The following NIM1K variants were observed in gnomAD, a reference collection of about 807,000 sequenced individuals.
The protein encoded by NIM1K is NIM1 serine/threonine protein kinase.
In NIM1K, 35 loss-of-function variants were observed where a neutral mutation model predicts 37.1. The ratio of observed to expected loss-of-function variants is 0.94; its 90% confidence interval spans 0.72 to 1.25. The LOEUF (loss-of-function observed/expected upper bound fraction) is 1.25, where lower values mean the gene tolerates loss of function less well. NIM1K is among the 50% of genes most tolerant of loss of function. NIM1K has a pLI of 0.00. For missense variants in NIM1K, 564 were observed against 548.0 expected (o/e 1.03, Z -0.29); for synonymous variants, 234 against 206.6 (o/e 1.13, Z -1.14).
Position 43,204,397 on chromosome 5 carries a change from G to C in NIM1K, c.-695+11986G>C, listed in dbSNP as rs1015699360. Among the ~76,000 whole-genome samples, 8 of 150,844 alleles carry C rather than the reference G, an allele frequency of 5.3e-5. 1 individual carries two copies. In the East Asian group the frequency reaches 1.6e-3, roughly 31 times the overall value. ...CCACACCCAGCCTGATAGTTCCAATGGTTAATTCAAAAACAAGGCACAGTC... is the reference window on the plus strand; with the variant it reads ...CCACACCCAGCCTGATAGTTCCAATCGTTAATTCAAAAACAAGGCACAGTC... On this transcript the variant is annotated intron_variant, in intron 1 of 3. Transcript: ENST00000326035.
intron 2 of NIM1K, among the ~76,000 whole-genome samples, chr5:43,276,197 T>C (rs1753337530): frequency 6.6e-6 from 1 of 152,162 alleles, no homozygotes; most frequent in Non-Finnish European, 1.5e-5. Context: ...CCAGCCAAAA[T>C]TGAGTAATTT....
chr5:43,230,076 A>G (rs1579968391), intron 1 of NIM1K, among the ~76,000 whole-genome samples: 1 of 152,190 alleles, frequency 6.6e-6, no homozygotes, highest in East Asian at 1.9e-4. Context: ...CCTTCAAACA[A>G]CCCAGAAACA....
intron 3 of NIM1K, among the ~76,000 whole-genome samples, chr5:43,278,411 C>T (rs186100744): frequency 6.6e-6 from 1 of 152,334 alleles, no homozygotes; most frequent in East Asian, 1.9e-4. Flanking sequence ...CTAATGCACA[C>T]TCTGTAGTTC....
At chr5:43,208,170 T>G (rs933477915) in intron 1 of NIM1K, among the ~76,000 whole-genome samples, 16 of 152,194 alleles carry the variant, frequency 1.1e-4, no homozygotes, top group African/African-American at 3.9e-4. Flanking sequence ...CATCGTTGTT[T>G]TGTGCTGAAG....
At chr5:43,218,685 C>T (rs1331196193) in intron 1 of NIM1K, among the ~76,000 whole-genome samples, 2 of 151,902 alleles carry the variant, frequency 1.3e-5, no homozygotes, top group East Asian at 3.9e-4. Flanking sequence ...CATTAGGTCC[C>T]ACCTCCTTCA....
intron 2 of NIM1K, among the ~76,000 whole-genome samples, chr5:43,275,258 T>C (rs1056447433): frequency 3.9e-5 from 6 of 152,206 alleles, no homozygotes; most frequent in Non-Finnish European, 5.9e-5. Flanking sequence ...ATAAATAAGT[T>C]AGCATCATTA....
intron 1 of NIM1K, among the ~76,000 whole-genome samples, chr5:43,214,178 A>T (rs1338534225): frequency 6.6e-6 from 1 of 151,994 alleles, no homozygotes; most frequent in African/African-American, 2.4e-5. Flanking sequence ...ATCAGGGAGG[A>T]TTCACTCACT....
intron 1 of NIM1K, among the ~76,000 whole-genome samples, chr5:43,212,889 CA>C (rs1752223847): frequency 6.6e-6 from 1 of 152,202 alleles, no homozygotes; most frequent in Non-Finnish European, 1.5e-5. Flanking sequence ...CAAACAAAAG[CA>C]AATTTAGAAT....
intron 2 of NIM1K, among the ~76,000 whole-genome samples, chr5:43,273,369 A>C (rs1286302879): frequency 6.6e-6 from 1 of 151,802 alleles, no homozygotes; most frequent in Admixed American, 6.6e-5. Flanking sequence ...ATGCCTGGCT[A>C]ATTTTTTGTA....
At chr5:43,200,563 G>A (rs1752002753) in intron 1 of NIM1K, among the ~76,000 whole-genome samples, 1 of 152,140 alleles carries the variant, frequency 6.6e-6, no homozygotes, top group Non-Finnish European at 1.5e-5. Context: ...GCCTCCCAAA[G>A]TGATGAGATT....
At chr5:43,226,298 C>A (rs1358982163) in intron 1 of NIM1K, among the ~76,000 whole-genome samples, 1 of 152,182 alleles carries the variant, frequency 6.6e-6, no homozygotes, top group Non-Finnish European at 1.5e-5. Context: ...TAGAAACAAA[C>A]CCTGTTAAAG....
At chr5:43,199,189 CAA>C (rs1368419224) in intron 1 of NIM1K, among the ~76,000 whole-genome samples, 1 of 9,832 alleles carries the variant, frequency 1.0e-4, no homozygotes, top group African/African-American at 4.3e-4. Context: ...GCTCTGTCTC[CAA>C]AAAAAAAAAA....
intron 1 of NIM1K, among the ~76,000 whole-genome samples, chr5:43,218,893 C>T (rs1282286090): frequency 6.6e-6 from 1 of 151,992 alleles, no homozygotes; most frequent in East Asian, 1.9e-4. Flanking sequence ...TGGCTGTGTA[C>T]CCACCCAAAT....
intron 1 of NIM1K, among the ~76,000 whole-genome samples, chr5:43,213,094 T>C (rs570407138): frequency 5.9e-5 from 9 of 152,288 alleles, no homozygotes; most frequent in African/African-American, 1.9e-4. Flanking sequence ...GTGCCTGATA[T>C]CATTTTTTCT....
At position 43,245,848 on chromosome 5, in the gene NIM1K, G is replaced by A; in HGVS notation, c.73G>A (p.Val25Ile). Residue 25 changes from valine (V) to isoleucine (I), a missense_variant, in exon 2 of 4, where the codon GTA becomes ATA. Transcript: ENST00000326035. ...HYARWDRRDS[V>I]ESGCQTESSK... is the part of the protein sequence containing the mutation. ...TGCCCGGTGGGATCGGCGCGACAGT[G>A]TAGAAAGTGGCTGTCAGACCGAGAG... The A allele has an allele frequency of 6.2e-7, 1 of 1,614,126 alleles. No homozygotes were observed. Among genetic ancestry groups the A allele is most frequent in the Non-Finnish European group, 8.5e-7 (1 of 1,179,998 alleles).
At chr5:43,203,126 A>G (rs1256317807) in intron 1 of NIM1K, among the ~76,000 whole-genome samples, 1 of 150,920 alleles carries the variant, frequency 6.6e-6, no homozygotes, top group Non-Finnish European at 1.5e-5. Context: ...TAGCTCCTTC[A>G]CTACTTAGCA....
intron 1 of NIM1K, among the ~76,000 whole-genome samples, chr5:43,195,590 G>T (rs1751900200): frequency 6.6e-6 from 1 of 150,480 alleles, no homozygotes; most frequent in African/African-American, 2.5e-5. Context: ...AGCCTGGGAG[G>T]TTCAAGGCTG....
At position 43,235,697 on chromosome 5, in the gene NIM1K, G is replaced by A. The variant is rs75751465; in HGVS notation, c.-694-9385G>A. Among the ~76,000 whole-genome samples the A allele has an allele frequency of 2.0e-5, 3 of 152,192 alleles. 1 individual carries two copies. In the South Asian group the frequency reaches 6.2e-4, roughly 32 times the overall value. On this transcript the variant is annotated intron_variant, in intron 1 of 3. Coordinates refer to ENST00000326035, the MANE Select transcript of NIM1K (RefSeq NM_153361.4). ...AATTAGATGGTTAAATAAACTTGGG[G>A]ACCACTGAATTAAACAGACATTTGT...
intron 2 of NIM1K, among the ~76,000 whole-genome samples, chr5:43,265,115 G>C (rs927778353): frequency 1.3e-5 from 2 of 152,144 alleles, no homozygotes; most frequent in Non-Finnish European, 2.9e-5. Flanking sequence ...TCTTTTCGAG[G>C]AGTATCTTTG....
Sources: allele counts gnomAD v4.1 joint callset (sites outside exome capture counted in the v4.1 genomes callset), GRCh38; gene constraint gnomAD v4.1.1; transcripts MANE v1.5; gene names NCBI Gene and HGNC (gene_info 2026-07-23, HGNC 2026-07-21).